Variants in DPP10 observed in about 807,000 individuals in gnomAD.
The protein encoded by DPP10 is inactive dipeptidyl peptidase 10.
Under a neutral mutation model 120.9 loss-of-function variants are expected in DPP10, and 33 were observed. That is an observed-to-expected ratio of 0.27 (90% CI 0.21 to 0.37). DPP10 has a LOEUF of 0.37. Ranked by LOEUF, DPP10 falls within the 10% of genes least tolerant of loss-of-function variation. The pLI is 1.00. For missense variants in DPP10, 816 were observed against 942.8 expected, an observed-to-expected ratio of 0.87 and a Z score of 1.76; for synonymous variants, 337 against 326.1, an observed-to-expected ratio of 1.03 and a Z score of -0.36.
At chr2:115,356,260 A>C (rs1341375111) in intron 3 of DPP10, among the ~76,000 whole-genome samples, 1 of 152,046 alleles carries the variant, frequency 6.6e-6, no homozygotes, top group African/African-American at 2.4e-5. Flanking sequence ...CCCCTTGAGG[A>C]GCAACTTCAC....
intron 11 of DPP10, among the ~76,000 whole-genome samples, chr2:115,753,852 C>A (rs562868597): frequency 5.2e-4 from 79 of 152,074 alleles, no homozygotes; most frequent in Non-Finnish European, 9.1e-4. Context: ...TTTTAAGATT[C>A]CTGGTAGAGA....
intron 1 of DPP10, among the ~76,000 whole-genome samples, chr2:115,141,164 C>T (rs1320231723): frequency 6.6e-6 from 1 of 152,094 alleles, no homozygotes; most frequent in African/African-American, 2.4e-5. Flanking sequence ...ATGTTATGGC[C>T]AACTGTGTGG....
chr2:114,731,431 T>C (rs142206226), intron 1 of DPP10, among the ~76,000 whole-genome samples: 22 of 152,244 alleles, frequency 1.4e-4, no homozygotes, highest in Admixed American at 3.3e-4. Flanking sequence ...CTGTAAACTC[T>C]AGCCCTGCCC....
At chr2:115,478,401 C>T (rs929754161) in intron 3 of DPP10, among the ~76,000 whole-genome samples, 1 of 152,132 alleles carries the variant, frequency 6.6e-6, no homozygotes, top group Non-Finnish European at 1.5e-5. Flanking sequence ...TGTTTAAAAA[C>T]TAGTTCTAAG....
intron 5 of DPP10, among the ~76,000 whole-genome samples, chr2:115,563,431 C>T (rs902174010): frequency 6.6e-6 from 1 of 152,088 alleles, no homozygotes; most frequent in African/African-American, 2.4e-5. Context: ...AGCCCCTGCA[C>T]TCGAGAGAGC....
At chr2:115,170,853 C>A (rs974778558) in intron 1 of DPP10, among the ~76,000 whole-genome samples, 1 of 152,104 alleles carries the variant, frequency 6.6e-6, no homozygotes, top group East Asian at 1.9e-4. Context: ...GAGATTTGCT[C>A]AACTTTAGGC....
chr2:115,248,733 T>A (rs2058637714), intron 1 of DPP10, among the ~76,000 whole-genome samples: 1 of 152,168 alleles, frequency 6.6e-6, no homozygotes, highest in Non-Finnish European at 1.5e-5. Flanking sequence ...CCGACATAAC[T>A]GTCTTCATGC....
chr2:114,928,661 C>T (rs984877839), intron 1 of DPP10, among the ~76,000 whole-genome samples: 1 of 152,044 alleles, frequency 6.6e-6, no homozygotes, highest in Non-Finnish European at 1.5e-5. Context: ...TCTCTTCCTG[C>T]AGCTATACTA....
intron 19 of DPP10, among the ~76,000 whole-genome samples, chr2:115,794,386 A>G (rs4849427): frequency 0.71 from 107,392 of 152,084 alleles, 39,789 homozygotes; most frequent in East Asian, 0.93. Flanking sequence ...GTTCTGCTCA[A>G]TCTTCATTAT....
At chr2:115,393,220 T>C (rs1248509382) in intron 3 of DPP10, among the ~76,000 whole-genome samples, 1 of 150,924 alleles carries the variant, frequency 6.6e-6, no homozygotes, top group African/African-American at 2.4e-5. Context: ...GGCTGAGGCA[T>C]GAGAATCGCT....
chr2:115,559,971 A>C (rs1223116374), intron 5 of DPP10, among the ~76,000 whole-genome samples: 4 of 152,124 alleles, frequency 2.6e-5, no homozygotes, highest in Non-Finnish European at 5.9e-5. Flanking sequence ...GGGTACTTAC[A>C]TATGAATCTA....
chr2:115,689,221 C>T (rs1442434758), intron 5 of DPP10, among the ~76,000 whole-genome samples: 2 of 151,990 alleles, frequency 1.3e-5, no homozygotes, highest in African/African-American at 4.8e-5. Context: ...AGAATTCTCA[C>T]CTCAGTTAAG....
intron 1 of DPP10, among the ~76,000 whole-genome samples, chr2:114,672,389 C>T (rs971478409): frequency 1.3e-5 from 2 of 152,158 alleles, no homozygotes; most frequent in African/African-American, 2.4e-5. Flanking sequence ...TTCCCATTCT[C>T]CTACAAAGAA....
intron 4 of DPP10, among the ~76,000 whole-genome samples, chr2:115,501,204 C>T (rs2076666125): frequency 6.6e-6 from 1 of 151,998 alleles, no homozygotes; most frequent in South Asian, 2.1e-4. Flanking sequence ...GGCTGTGCCT[C>T]ATTAAATACT....
intron 10 of DPP10, among the ~76,000 whole-genome samples, chr2:115,749,491 G>A (rs1427110201): frequency 6.6e-6 from 1 of 152,082 alleles, no homozygotes; most frequent in African/African-American, 2.4e-5. Context: ...GTGACTCTGG[G>A]CTTGACACTG....
At chr2:115,517,737 C>A (rs997672494) in intron 4 of DPP10, among the ~76,000 whole-genome samples, 2 of 151,958 alleles carry the variant, frequency 1.3e-5, no homozygotes, top group Admixed American at 1.3e-4. Flanking sequence ...GCAATTAATC[C>A]AATTCAAGAG....
intron 1 of DPP10, among the ~76,000 whole-genome samples, chr2:114,880,054 C>T (rs946089748): frequency 1.3e-5 from 2 of 152,098 alleles, no homozygotes; most frequent in African/African-American, 2.4e-5. Context: ...ATACTTATTC[C>T]CTGTGGAGCT....
chr2:115,180,238 A>G (rs1414796310), intron 1 of DPP10, among the ~76,000 whole-genome samples: 1 of 152,188 alleles, frequency 6.6e-6, no homozygotes, highest in East Asian at 1.9e-4. Context: ...ATAGAAATCA[A>G]CTACGACTTT....
intron 1 of DPP10, among the ~76,000 whole-genome samples, chr2:115,136,690 T>C (rs1382807604): frequency 6.6e-6 from 1 of 152,044 alleles, no homozygotes; most frequent in African/African-American, 2.4e-5. Context: ...ACATAATGAT[T>C]TACAGAGGCA....
Sources: allele counts gnomAD v4.1 joint callset (sites outside exome capture counted in the v4.1 genomes callset), GRCh38; gene constraint gnomAD v4.1.1; transcripts MANE v1.5; gene names NCBI Gene and HGNC (gene_info 2026-07-23, HGNC 2026-07-21).